The following ARHGAP22 variants were observed in gnomAD, a reference collection of about 807,000 sequenced individuals.
ARHGAP22 encodes the protein rho GTPase-activating protein 22.
Under a neutral mutation model 59.1 loss-of-function variants are expected in ARHGAP22, and 48 were observed. The ratio of observed to expected loss-of-function variants is 0.81; its 90% CI spans 0.64 to 1.03. ARHGAP22 has a LOEUF of 1.03. Ranked by LOEUF, ARHGAP22 falls within the 50% of genes least tolerant of loss-of-function variation. ARHGAP22 has a pLI of 0.00. For missense variants in ARHGAP22, 1,015 were observed against 958.7 expected (o/e 1.06, Z -0.78); for synonymous variants, 445 against 416.4 (o/e 1.07, Z -0.84).
At chr10:48,616,980 C>T (rs1352613034) in intron 1 of ARHGAP22, among the ~76,000 whole-genome samples, 1 of 151,968 alleles carries the variant, frequency 6.6e-6, no homozygotes, top group African/African-American at 2.4e-5. Context: ...ATTTAAAAGA[C>T]AACTATGTAA....
intron 2 of ARHGAP22, chr10:48,574,627 T>A (rs911528369): frequency 2.0e-5 from 3 of 152,168 alleles, no homozygotes; most frequent in African/African-American, 7.2e-5. Context: ...CTCCGACACC[T>A]GATGGCATCT....
intron 2 of ARHGAP22, among the ~76,000 whole-genome samples, chr10:48,558,274 T>C (rs1321775845): frequency 6.6e-6 from 1 of 152,236 alleles, no homozygotes; most frequent in Non-Finnish European, 1.5e-5. Context: ...AAATGATATA[T>C]TTTGAATACT....
chr10:48,643,351 C>T (rs1344830927), intron 1 of ARHGAP22, among the ~76,000 whole-genome samples: 1 of 152,096 alleles, frequency 6.6e-6, no homozygotes, highest in African/African-American at 2.4e-5. Context: ...TTGGAACCAA[C>T]CCAAATGCTC....
chr10:48,438,041 T>A, the ARHGAP22 span: 1 of 152,274 alleles, frequency 6.6e-6, no homozygotes. Context: ...TATGAAGACT[T>A]AACTATTCAG....
chr10:48,541,395 C>T (rs934472143), intron 3 of ARHGAP22, among the ~76,000 whole-genome samples: 4 of 152,222 alleles, frequency 2.6e-5, no homozygotes, highest in South Asian at 4.1e-4. Flanking sequence ...CCCTTCCTGC[C>T]CGGTGCGCTA....
chr10:48,556,016 A>T (rs7071480), intron 2 of ARHGAP22, among the ~76,000 whole-genome samples: 23,242 of 152,144 alleles, frequency 0.15, 1,876 homozygotes, highest in Admixed American at 0.23. Context: ...TTTCTTTACC[A>T]ATGAGATAGG....
chr10:48,596,524 A>G (rs2060076825), intron 1 of ARHGAP22, among the ~76,000 whole-genome samples: 1 of 152,192 alleles, frequency 6.6e-6, no homozygotes, highest in Non-Finnish European at 1.5e-5. Context: ...GAGTGTGCCC[A>G]GCACGGGAAC....
chr10:48,457,901 G>T (rs1176543727), intron 5 of ARHGAP22, among the ~76,000 whole-genome samples: 1 of 150,522 alleles, frequency 6.6e-6, no homozygotes, highest in Non-Finnish European at 1.5e-5. Flanking sequence ...TTGGAAGTGG[G>T]TGAGGAGGAG....
chr10:48,630,763 A>G (rs912490004), intron 1 of ARHGAP22, among the ~76,000 whole-genome samples: 7 of 152,154 alleles, frequency 4.6e-5, no homozygotes, highest in African/African-American at 1.7e-4. Context: ...TTCTTCCTCC[A>G]TTCTGTATAT....
At chr10:48,594,439 C>A (rs1220437347) in intron 1 of ARHGAP22, among the ~76,000 whole-genome samples, 1 of 152,164 alleles carries the variant, frequency 6.6e-6, no homozygotes, top group Non-Finnish European at 1.5e-5. Flanking sequence ...CCGAGCCCTG[C>A]ACTGACAAGA....
At chr10:48,605,467 G>A (rs950327992), upstream of ARHGAP22, among the ~76,000 whole-genome samples, 1 of 151,980 alleles carries the variant, frequency 6.6e-6, no homozygotes, top group Non-Finnish European at 1.5e-5. Flanking sequence ...CCAACAGGAA[G>A]ATGCCTGTTA....
intron 1 of ARHGAP22, among the ~76,000 whole-genome samples, chr10:48,585,002 A>AAAG (rs1334980109): frequency 6.6e-6 from 1 of 151,696 alleles, no homozygotes; most frequent in East Asian, 1.9e-4. Flanking sequence ...TCAAAAAAAA[A>AAAG]AAAAAAATTA....
chr10:48,584,475 G>A (rs941216868), intron 1 of ARHGAP22, among the ~76,000 whole-genome samples: 4 of 152,218 alleles, frequency 2.6e-5, no homozygotes, highest in African/African-American at 7.2e-5. Flanking sequence ...TCCCCTACCA[G>A]GACAGGTGGC....
At chr10:48,516,735 C>A (rs2053326592) in intron 3 of ARHGAP22, among the ~76,000 whole-genome samples, 1 of 152,128 alleles carries the variant, frequency 6.6e-6, no homozygotes, top group East Asian at 1.9e-4. Context: ...GGGAATAGTT[C>A]TCAATTCTTC....
At chr10:48,493,755 G>C in intron 3 of ARHGAP22, 2 of 961,444 alleles carry the variant, frequency 2.1e-6, no homozygotes, top group Non-Finnish European at 2.9e-6. Flanking sequence ...AGGTCGGCGT[G>C]GTTGTTCTGC....
Position 48,446,076 on chromosome 10 carries a change from C to T in ARHGAP22, c.*315G>A, listed in dbSNP as rs538862845. ...TTTAATAAAGAAAGCTGACTGTTCC[C>T]GGTGGCTGCCTGGATCCTGGGCGCC... is the stretch of plus-strand genomic sequence containing the variant. On this transcript the variant is annotated 3_prime_UTR_variant, in exon 10 of 10. Transcript: ENST00000249601. The T allele has an allele frequency of 5.1e-5, 21 of 411,346 alleles. No individual in the cohort carries two copies. Among genetic ancestry groups the T allele is most frequent in the East Asian group, 8.9e-5 (2 of 22,484 alleles). The allele number at this position is 411,346 out of a possible 1,614,324, so 25.5% of individuals were successfully genotyped here. A position where few individuals can be genotyped will look rare whatever the true frequency, so the allele number is the denominator to read the frequency against.
chr10:48,596,480 G>C (rs961152584), intron 1 of ARHGAP22, among the ~76,000 whole-genome samples: 1 of 152,148 alleles, frequency 6.6e-6, no homozygotes, highest in Non-Finnish European at 1.5e-5. Flanking sequence ...GGTGAGGAGG[G>C]ATGAATGAAT....
At chr10:48,448,684 C>T (rs2045602022) in intron 9 of ARHGAP22, among the ~76,000 whole-genome samples, 1 of 151,266 alleles carries the variant, frequency 6.6e-6, no homozygotes, top group Non-Finnish European at 1.5e-5. Context: ...CTAATGCCCT[C>T]ACCTTCCTTC....
chr10:48,453,206 C>G (rs2046154231), intron 8 of ARHGAP22, 98 bp downstream of exon 8: 3 of 1,559,766 alleles, frequency 1.9e-6, no homozygotes, highest in Admixed American at 1.7e-5. Context: ...TCCTGCTGGC[C>G]TGGCCCTGGG....
Sources: gnomAD v4.1 joint callset for allele counts (sites outside exome capture counted in the v4.1 genomes callset) on GRCh38, gnomAD v4.1.1 for gene constraint, MANE v1.5 for transcripts, NCBI Gene and HGNC (gene_info 2026-07-23, HGNC 2026-07-21) for gene names.